ADAMTSL3: variants seen among roughly 807,000 people sequenced by gnomAD.
The protein encoded by ADAMTSL3 is ADAMTS like 3.
Under a neutral mutation model 201.7 loss-of-function variants are expected in ADAMTSL3, and 128 were observed. The ratio of observed to expected loss-of-function variants is 0.63; its 90% CI spans 0.55 to 0.73. The LOEUF is 0.73. ADAMTSL3 is among the 30% of genes least tolerant of loss of function. The pLI, the probability that ADAMTSL3 is intolerant of heterozygous loss-of-function variation, is 0.00. For missense variants in ADAMTSL3, 1,990 were observed against 2,119.6 expected (o/e 0.94, Z 1.20); for synonymous variants, 738 against 748.4 (o/e 0.99, Z 0.23).
chr15:84,037,864 T>C lies in ADAMTSL3; in HGVS notation c.*58T>C, dbSNP rs1364903908. ...ATAAAAGTAGAATATAAAAGCTCTTTTCCCCATGTCGCTGATTCAAAAACA... is the reference window on the plus strand; with the variant it reads ...ATAAAAGTAGAATATAAAAGCTCTTCTCCCCATGTCGCTGATTCAAAAACA... On this transcript the variant is annotated 3_prime_UTR_variant, in exon 30 of 30. Transcript: ENST00000286744. The C allele has an allele frequency of 6.4e-7, 1 of 1,551,308 alleles. No homozygotes were observed. Among genetic ancestry groups the C allele is most frequent in the Non-Finnish European group, 8.7e-7 (1 of 1,155,294 alleles).
chr15:83,956,679 G>GCACACA (rs34711242), intron 19 of ADAMTSL3, among the ~76,000 whole-genome samples: 18 of 148,856 alleles, frequency 1.2e-4, no homozygotes, highest in African/African-American at 4.2e-4. Context: ...CACCGCACAG[G>GCACACA]CACACACACA....
In ADAMTSL3 at chr15:83,944,205, A is replaced by G. The variant is rs183490999; in HGVS notation, c.2490+1123A>G. On this transcript the variant is annotated intron_variant, in intron 19 of 29. Coordinates refer to ENST00000286744, the MANE Select transcript of ADAMTSL3 (RefSeq NM_207517.3). ...CGTGGATAAGAAGGGACTATTGTAT[A>G]TGTTCCCCAGAATAGCTGGTAGGGC... 4.7e-3 allele frequency among the ~76,000 whole-genome samples: 714 copies of G among 152,306 alleles called. 6 individuals carry two copies. The highest frequency in any genetic ancestry group is 8.1e-3 in the Non-Finnish European group (553 of 68,030).
chr15:83,857,871 A>C (rs986473811), intron 7 of ADAMTSL3, among the ~76,000 whole-genome samples: 2 of 152,208 alleles, frequency 1.3e-5, no homozygotes, highest in Admixed American at 1.3e-4. Flanking sequence ...ATCATTGATA[A>C]TGTTCTAGTT....
At chr15:83,668,310 A>G (rs1441179544) in intron 2 of ADAMTSL3, among the ~76,000 whole-genome samples, 1 of 149,056 alleles carries the variant, frequency 6.7e-6, no homozygotes, top group Non-Finnish European at 1.5e-5. Flanking sequence ...CTTTTTTTTC[A>G]GGTCATTGTA....
At position 84,037,426 on chromosome 15, in the gene ADAMTSL3, C is replaced by G. The variant is rs528335789; in HGVS notation, c.4970-274C>G. On this transcript the variant is annotated intron_variant, in intron 29 of 29. Coordinates refer to ENST00000286744, the MANE Select transcript of ADAMTSL3 (RefSeq NM_207517.3). ...TAAGTTTTTCAAGGAGTCCATGACC[C>G]TGCAAAAGTTAAGCATTGCTGCTCT... is the stretch of plus-strand genomic sequence containing the variant. Among the ~76,000 whole-genome samples, 12 of 152,282 alleles carry G rather than the reference C, an allele frequency of 7.9e-5. No homozygotes were observed. The South Asian group carries it at 2.5e-3, about 32-fold the overall frequency.
intron 4 of ADAMTSL3, among the ~76,000 whole-genome samples, chr15:83,801,417 C>T: frequency 6.6e-6 from 1 of 150,830 alleles, no homozygotes; most frequent in Non-Finnish European, 1.5e-5. Context: ...GCAGTTGGAA[C>T]AGAAAGTTTA....
intron 3 of ADAMTSL3, among the ~76,000 whole-genome samples, chr15:83,759,476 T>C (rs1296435403): frequency 6.6e-6 from 1 of 152,182 alleles, no homozygotes; most frequent in African/African-American, 2.4e-5. Flanking sequence ...CCGCCTGCCT[T>C]GGCCTCCCAA....
chr15:83,806,267 T>C (rs2063601481), intron 5 of ADAMTSL3, among the ~76,000 whole-genome samples: 1 of 152,200 alleles, frequency 6.6e-6, no homozygotes, highest in African/African-American at 2.4e-5. Flanking sequence ...CAGTTGTGCA[T>C]GTACCTCCAG....
intron 5 of ADAMTSL3, among the ~76,000 whole-genome samples, chr15:83,809,096 A>C (rs2063652235): frequency 6.6e-6 from 1 of 152,162 alleles, no homozygotes; most frequent in Non-Finnish European, 1.5e-5. Flanking sequence ...AGTAAACAGC[A>C]AGACATTGTA....
At chr15:83,681,032 T>C (rs2061469836) in intron 2 of ADAMTSL3, among the ~76,000 whole-genome samples, 1 of 152,234 alleles carries the variant, frequency 6.6e-6, no homozygotes, top group Non-Finnish European at 1.5e-5. Flanking sequence ...TATTCCTGTT[T>C]ACATATTCTT....
chr15:84,029,957 G>C (rs2068375074), intron 27 of ADAMTSL3, among the ~76,000 whole-genome samples: 2 of 152,378 alleles, frequency 1.3e-5, no homozygotes, highest in East Asian at 1.9e-4. Context: ...CATGGTGTTG[G>C]GCCTGCAGGT....
intron 23 of ADAMTSL3, among the ~76,000 whole-genome samples, chr15:84,010,849 G>C (rs1406867489): frequency 1.3e-5 from 2 of 152,210 alleles, no homozygotes; most frequent in African/African-American, 2.4e-5. Context: ...TCCTGCTCCT[G>C]TTCCCATGCT....
chr15:83,737,686 G>T (rs1012648460), intron 3 of ADAMTSL3, among the ~76,000 whole-genome samples: 1 of 152,108 alleles, frequency 6.6e-6, no homozygotes, highest in Non-Finnish European at 1.5e-5. Context: ...AGAAAACCTC[G>T]CAGACCTGGA....
chr15:83,732,180 A>G (rs1596106781), intron 3 of ADAMTSL3, among the ~76,000 whole-genome samples: 1 of 152,102 alleles, frequency 6.6e-6, no homozygotes, highest in South Asian at 2.1e-4. Context: ...GAGAATCACA[A>G]CAAACCCATT....
chr15:83,793,971 T>C (rs569006255), intron 4 of ADAMTSL3, among the ~76,000 whole-genome samples: 2 of 152,128 alleles, frequency 1.3e-5, no homozygotes, highest in Admixed American at 1.3e-4. Context: ...CAATTAAAAA[T>C]CAAACATTCT....
intron 19 of ADAMTSL3, among the ~76,000 whole-genome samples, chr15:83,964,808 G>T (rs535747712): frequency 6.6e-6 from 1 of 152,322 alleles, no homozygotes; most frequent in East Asian, 1.9e-4. Context: ...AAGCCCATCA[G>T]ACTAACAGTG....
rs190711183 is a variant in ADAMTSL3, at chr15:83,684,490, G to A, written c.70-19899G>A. Among the ~76,000 whole-genome samples the A allele has an allele frequency of 2.7e-3, 409 of 152,232 alleles. 2 individuals are homozygous for A. Among genetic ancestry groups the A allele is most frequent in the Middle Eastern group, 0.01 (3 of 294 alleles). On this transcript the variant is annotated intron_variant, in intron 2 of 29. Transcript: ENST00000286744. ...GAGGGAGGAGGATCACTTGAGGCCAGGAGTTTGAGGCTGTAGTGTGCTATA... is the reference window on the plus strand; with the variant it reads ...GAGGGAGGAGGATCACTTGAGGCCAAGAGTTTGAGGCTGTAGTGTGCTATA...
chr15:84,017,234 C>G (rs1292820433), intron 25 of ADAMTSL3, among the ~76,000 whole-genome samples: 1 of 152,182 alleles, frequency 6.6e-6, no homozygotes, highest in Non-Finnish European at 1.5e-5. Flanking sequence ...TCTCCTGCCT[C>G]AGCCTCCCAA....
chr15:84,021,292 C>A, intron 25 of ADAMTSL3, 118 bp from the exon 26 acceptor site: 1 of 1,048,108 alleles, frequency 9.5e-7, no homozygotes, highest in East Asian at 2.4e-5. Context: ...ATGGCTTTCT[C>A]TCCATATGCT....
Sources: gnomAD v4.1 joint callset for allele counts (sites outside exome capture counted in the v4.1 genomes callset) on GRCh38, gnomAD v4.1.1 for gene constraint, MANE v1.5 for transcripts, NCBI Gene and HGNC (gene_info 2026-07-23, HGNC 2026-07-21) for gene names.